Variants in VPS50 observed in about 807,000 individuals in gnomAD.
VPS50 encodes VPS50 subunit of EARP/GARPII complex.
Under a neutral mutation model 139.7 loss-of-function variants are expected in VPS50, and 70 were observed. The ratio of observed to expected loss-of-function variants is 0.50; its 90% CI spans 0.41 to 0.61. VPS50 has a LOEUF of 0.61. Ranked by LOEUF, VPS50 falls within the 20% of genes least tolerant of loss-of-function variation. VPS50 has a pLI of 0.00. For missense variants in VPS50, 921 were observed against 1,133.7 expected (o/e 0.81, Z 2.69); for synonymous variants, 365 against 376.7 (o/e 0.97, Z 0.36).
intron 20 of VPS50, among the ~76,000 whole-genome samples, chr7:93,314,617 G>C (rs1455952248): frequency 1.3e-5 from 2 of 152,128 alleles, no homozygotes; most frequent in African/African-American, 4.8e-5. Flanking sequence ...GATTACCGAA[G>C]TCCATGCTTG....
chr7:93,338,861 C>T (rs925870072), intron 22 of VPS50, among the ~76,000 whole-genome samples: 5 of 152,126 alleles, frequency 3.3e-5, no homozygotes, highest in African/African-American at 1.2e-4. Context: ...AGACAGAGCT[C>T]TCTATTCATG....
chr7:93,291,637 C>A (rs2116937095), intron 12 of VPS50, 66 bp from the exon 13 acceptor site: 1 of 802,402 alleles, frequency 1.2e-6, no homozygotes, highest in Non-Finnish European at 1.8e-6. Flanking sequence ...GATTAATAAC[C>A]TATTTTATTA....
chr7:93,297,408 G>A (rs1426612166), intron 16 of VPS50, among the ~76,000 whole-genome samples, 165 bp downstream of exon 16: 2 of 152,042 alleles, frequency 1.3e-5, no homozygotes, highest in African/African-American at 4.8e-5. Context: ...AAAATATGAT[G>A]AAATGTTCTC....
chr7:93,356,366 T>C (rs1375600417), intron 27 of VPS50, among the ~76,000 whole-genome samples: 2 of 152,160 alleles, frequency 1.3e-5, no homozygotes, highest in Non-Finnish European at 2.9e-5. Context: ...TTCCTGCAAC[T>C]GTGTTATAGG....
chr7:93,352,846 A>G (rs1456273668), intron 25 of VPS50, among the ~76,000 whole-genome samples: 2 of 152,262 alleles, frequency 1.3e-5, no homozygotes, highest in Middle Eastern at 3.4e-3. Flanking sequence ...ACTATGTTTT[A>G]TTGTTTCCGT....
At chr7:93,300,580 G>C (rs1277807954) in intron 16 of VPS50, among the ~76,000 whole-genome samples, 1 of 152,062 alleles carries the variant, frequency 6.6e-6, no homozygotes, top group East Asian at 1.9e-4. Flanking sequence ...TTTAGCAATT[G>C]ACAGAATACA....
chr7:93,287,536 A>G (rs1337782655), intron 12 of VPS50, among the ~76,000 whole-genome samples: 3 of 152,052 alleles, frequency 2.0e-5, no homozygotes, highest in Non-Finnish European at 4.4e-5. Flanking sequence ...TGTGACAAGT[A>G]TAATAGAAAT....
chr7:93,235,965 C>T (rs1794787344), intron 1 of VPS50, among the ~76,000 whole-genome samples: 2 of 152,156 alleles, frequency 1.3e-5, no homozygotes, highest in Non-Finnish European at 2.9e-5. Context: ...GTTAAAAACT[C>T]AGGGGGAAGT....
chr7:93,294,590 G>C lies in VPS50; in HGVS notation c.1121G>C (p.Gly374Ala), dbSNP rs2116945023. The change falls in exon 14 of 28, where the codon GGC (glycine) becomes GCC (alanine). Residue 374 changes from glycine to alanine, a missense_variant. This residue lies in a region of VPS50 where 744 missense variants were observed against 930.6 expected (regional missense o/e 0.80). Coordinates refer to ENST00000305866, the MANE Select transcript of VPS50 (RefSeq NM_017667.4). ...IGTEETNFDR[G>A]YIKKKLEHGL... ...ACTGAAGAAACTAATTTTGATCGTG[G>C]CTACATAAAAAAGAAATTAGAACAT... The C allele has an allele frequency of 1.3e-6, 2 of 1,597,902 alleles. No individual in the cohort carries two copies. Among genetic ancestry groups the C allele is most frequent in the East Asian group, 2.3e-5 (1 of 43,994 alleles).
chr7:93,239,690 T>C (rs1794921011), intron 1 of VPS50, among the ~76,000 whole-genome samples, 176 bp from the exon 2 acceptor site: 1 of 152,176 alleles, frequency 6.6e-6, no homozygotes, highest in Non-Finnish European at 1.5e-5. Flanking sequence ...CTTCTCTGAT[T>C]TAATAATAGT....
At chr7:93,350,411 A>G (rs949748359) in intron 25 of VPS50, among the ~76,000 whole-genome samples, 18 of 152,166 alleles carry the variant, frequency 1.2e-4, no homozygotes, top group African/African-American at 4.1e-4. Flanking sequence ...ATTCGGGGTA[A>G]AAATCACACT....
At chr7:93,346,679 C>A (rs1332251297) in intron 23 of VPS50, among the ~76,000 whole-genome samples, 41 of 146,212 alleles carry the variant, frequency 2.8e-4, no homozygotes, top group South Asian at 6.6e-4. Context: ...CACATATCTA[C>A]AACTATCTGA....
intron 2 of VPS50, among the ~76,000 whole-genome samples, chr7:93,251,687 T>C (rs1225451863): frequency 6.6e-6 from 1 of 152,152 alleles, no homozygotes; most frequent in South Asian, 2.1e-4. Flanking sequence ...AAAAGAAAAA[T>C]ATACTGTTCT....
intron 2 of VPS50, among the ~76,000 whole-genome samples, chr7:93,240,217 G>GCGCACA (rs772021732): frequency 4.9e-5 from 7 of 142,294 alleles, no homozygotes; most frequent in African/African-American, 1.9e-4. Flanking sequence ...ATATGTGTAT[G>GCGCACA]CACACACACA....
intron 22 of VPS50, among the ~76,000 whole-genome samples, chr7:93,338,246 T>A (rs1481634493): frequency 2.6e-5 from 4 of 152,162 alleles, no homozygotes; most frequent in Admixed American, 2.6e-4. Flanking sequence ...CATTCCACAA[T>A]ACATATTGCA....
At chr7:93,233,194 A>T (rs1321691249) in intron 1 of VPS50, among the ~76,000 whole-genome samples, 1 of 152,036 alleles carries the variant, frequency 6.6e-6, no homozygotes, top group African/African-American at 2.4e-5. Context: ...AATGTTAGGG[A>T]CCTCGTAATA....
intron 16 of VPS50, among the ~76,000 whole-genome samples, chr7:93,301,386 A>G (rs945719015): frequency 3.3e-5 from 5 of 152,010 alleles, no homozygotes; most frequent in Non-Finnish European, 7.4e-5. Context: ...TATTTTAGGT[A>G]GTATACTTCC....
intron 1 of VPS50, among the ~76,000 whole-genome samples, chr7:93,234,542 T>C (rs1472903639): frequency 6.6e-6 from 1 of 152,244 alleles, no homozygotes; most frequent in African/African-American, 2.4e-5. Flanking sequence ...TTGATACTGA[T>C]GCACAGTTCC....
At chr7:93,276,104 T>C (rs1796144494) in intron 11 of VPS50, 61 bp from the exon 12 acceptor site, 9 of 1,431,644 alleles carry the variant, frequency 6.3e-6, no homozygotes, top group Non-Finnish European at 7.5e-6. Flanking sequence ...TTTTTCAATT[T>C]GTTGAAATTT....
Sources: allele counts gnomAD v4.1 joint callset (sites outside exome capture counted in the v4.1 genomes callset), GRCh38; gene constraint gnomAD v4.1.1; regional missense constraint gnomAD v4.1.1; transcripts MANE v1.5; gene names NCBI Gene and HGNC (gene_info 2026-07-23, HGNC 2026-07-21).